The following TYR variants were observed in gnomAD, a reference collection of about 807,000 sequenced individuals.
The protein encoded by TYR is LB24-AB.
TYR carries 58 observed loss-of-function variants against 51.5 expected under a neutral mutation model. The ratio of observed to expected loss-of-function variants is 1.13; its 90% CI spans 0.91 to 1.40. The LOEUF (loss-of-function observed/expected upper bound fraction) is 1.40. TYR is among the 40% of genes most tolerant of loss of function. TYR has a pLI of 0.00. For synonymous variants in TYR, 263 were observed against 235.2 expected, an observed-to-expected ratio of 1.12 and a Z score of -1.08; for missense variants, 732 against 647.4, an observed-to-expected ratio of 1.13 and a Z score of -1.42.
chr11:89,215,529 A>C (rs1299487981), intron 2 of TYR, among the ~76,000 whole-genome samples: 1 of 152,062 alleles, frequency 6.6e-6, no homozygotes, highest in Non-Finnish European at 1.5e-5. Flanking sequence ...TAATAGTAAT[A>C]AAATAAAATA....
intron 4 of TYR, among the ~76,000 whole-genome samples, chr11:89,290,018 A>T: frequency 6.6e-6 from 1 of 152,070 alleles, no homozygotes; most frequent in East Asian, 1.9e-4. Context: ...CAGACTCCTA[A>T]TTCATTTGAG....
chr11:89,267,814 G>A (rs1201364484), intron 3 of TYR, among the ~76,000 whole-genome samples: 2 of 150,706 alleles, frequency 1.3e-5, no homozygotes, highest in East Asian at 3.9e-4. Context: ...CTGAGTGTAT[G>A]TGTGTGTGTG....
intron 3 of TYR, among the ~76,000 whole-genome samples, chr11:89,248,517 T>A (rs114544658): frequency 0.014 from 2,128 of 152,094 alleles, 33 homozygotes; most frequent in African/African-American, 0.046. Flanking sequence ...TCCCATGGCA[T>A]AAAAGAGCTT....
rs771898244 is a variant in TYR, at chr11:89,178,568, A to G, written c.615A>G (p.Pro205=). The G allele has an allele frequency of 6.2e-7, 1 of 1,614,184 alleles. No individual in the cohort carries two copies. The highest frequency in any genetic ancestry group is 2.2e-5 in the East Asian group (1 of 44,872). The part of the protein sequence containing the change: ...WRDIDFAHEA[P]AFLPWHRLFL... ...ACATTGATTTTGCCCATGAAGCACC[A>G]GCTTTTCTGCCTTGGCATAGACTCT... is the stretch of plus-strand genomic sequence containing the variant. The change falls in exon 1 of 5, where the codon CCA becomes CCG. Residue 205 remains proline, a synonymous_variant. Coordinates refer to ENST00000263321, the MANE Select transcript of TYR (RefSeq NM_000372.5).
intron 2 of TYR, among the ~76,000 whole-genome samples, chr11:89,194,011 T>C (rs925201865): frequency 1.3e-5 from 2 of 152,160 alleles, no homozygotes; most frequent in African/African-American, 4.8e-5. Context: ...TCAACTTCAG[T>C]AAACTCTATA....
chr11:89,245,341 GAAGAA>G (rs372933559), intron 3 of TYR, among the ~76,000 whole-genome samples: 102 of 152,270 alleles, frequency 6.7e-4, no homozygotes, highest in African/African-American at 2.2e-3. Flanking sequence ...AATAGTTACA[GAAGAA>G]TAGACTGAAA....
intron 1 of TYR, among the ~76,000 whole-genome samples, chr11:89,180,826 G>A (rs2135244388): frequency 6.6e-6 from 1 of 152,226 alleles, no homozygotes; most frequent in South Asian, 2.1e-4. Context: ...CACATTGGCT[G>A]TTTCCATTCC....
intron 2 of TYR, chr11:89,192,033 T>C (rs774021103): frequency 1.1e-5 from 5 of 454,964 alleles, no homozygotes; most frequent in Non-Finnish European, 2.2e-5. Context: ...TTCTTTGAGG[T>C]AAGTTCATTC....
intron 3 of TYR, among the ~76,000 whole-genome samples, chr11:89,249,164 A>C (rs1473274187): frequency 1.3e-5 from 2 of 152,100 alleles, no homozygotes; most frequent in African/African-American, 4.8e-5. Flanking sequence ...TCAAGCTCAA[A>C]AGAGAGAACC....
At chr11:89,208,828 T>G (rs1173435160) in intron 2 of TYR, among the ~76,000 whole-genome samples, 1 of 152,374 alleles carries the variant, frequency 6.6e-6, no homozygotes, top group East Asian at 1.9e-4. Context: ...CAATTGCTTA[T>G]TTTTGTTGCT....
chr11:89,281,375 A>T (rs1239719200), intron 3 of TYR, among the ~76,000 whole-genome samples: 2 of 151,670 alleles, frequency 1.3e-5, no homozygotes, highest in African/African-American at 4.8e-5. Context: ...CCTGTAACAG[A>T]GTAAGGAGAG....
rs1461283602 is a variant in TYR at position 89,236,361 on chromosome 11, C to G, written c.1184+8391C>G. Reference sequence around the variant, plus strand: ...CATGTTTGTTTAGTAGAGAGAATGTCATTCTGTAGATATATAGCTGTGAAA... The same window carrying G: ...CATGTTTGTTTAGTAGAGAGAATGTGATTCTGTAGATATATAGCTGTGAAA... On this transcript the variant is annotated intron_variant, in intron 3 of 4. Coordinates refer to ENST00000263321, the MANE Select transcript of TYR (RefSeq NM_000372.5). Among the ~76,000 whole-genome samples the G allele has an allele frequency of 3.9e-5, 6 of 152,156 alleles. No homozygotes were observed. In the East Asian group the frequency reaches 1.2e-3, roughly 29 times the overall value.
intron 2 of TYR, among the ~76,000 whole-genome samples, chr11:89,209,979 A>C (rs925414255): frequency 1.3e-5 from 2 of 152,206 alleles, no homozygotes; most frequent in East Asian, 3.9e-4. Context: ...TACATCAAAG[A>C]CCAAAGGTAG....
intron 4 of TYR, among the ~76,000 whole-genome samples, chr11:89,285,991 T>C (rs546792493): frequency 6.6e-5 from 10 of 152,038 alleles, no homozygotes; most frequent in African/African-American, 1.9e-4. Flanking sequence ...CCTCTCACTC[T>C]TGTGCTCAAA....
intron 3 of TYR, among the ~76,000 whole-genome samples, chr11:89,275,060 G>A (rs1008432022): frequency 2.0e-5 from 3 of 151,758 alleles, no homozygotes; most frequent in African/African-American, 7.3e-5. Context: ...ACCCTACTAA[G>A]CCAGTGATGG....
At chr11:89,266,354 T>C (rs1401976506) in intron 3 of TYR, among the ~76,000 whole-genome samples, 1 of 151,992 alleles carries the variant, frequency 6.6e-6, no homozygotes, top group Non-Finnish European at 1.5e-5. Flanking sequence ...AGATAATTCA[T>C]AGAGAATTTT....
intron 3 of TYR, among the ~76,000 whole-genome samples, chr11:89,246,772 G>T (rs1165314799): frequency 6.6e-6 from 1 of 151,978 alleles, no homozygotes; most frequent in East Asian, 1.9e-4. Flanking sequence ...TGCCAACTTG[G>T]CAGCCCAGAA....
intron 3 of TYR, among the ~76,000 whole-genome samples, chr11:89,229,473 C>T (rs1944016181): frequency 6.6e-6 from 1 of 151,734 alleles, no homozygotes; most frequent in Admixed American, 6.6e-5. Context: ...TAGAACTACC[C>T]AGTGAACTCT....
intron 3 of TYR, among the ~76,000 whole-genome samples, chr11:89,281,622 T>C (rs2135322068): frequency 6.6e-6 from 1 of 151,876 alleles, no homozygotes; most frequent in East Asian, 2.0e-4. Flanking sequence ...TGAACCCATC[T>C]CTCCACTTTT....
Sources: allele counts gnomAD v4.1 joint callset (sites outside exome capture counted in the v4.1 genomes callset), GRCh38; gene constraint gnomAD v4.1.1; transcripts MANE v1.5; gene names NCBI Gene and HGNC (gene_info 2026-07-23, HGNC 2026-07-21).